Variants in PDSS1 observed in about 807,000 individuals in gnomAD.
PDSS1 encodes all trans-polyprenyl-diphosphate synthase PDSS1.
In PDSS1, 43 loss-of-function variants were observed where a neutral mutation model predicts 57.5. That is an observed-to-expected ratio of 0.75 (90% CI 0.59 to 0.96). The LOEUF is 0.96. Ranked by LOEUF, PDSS1 falls within the 50% of genes least tolerant of loss-of-function variation. The probability of loss-of-function intolerance (pLI) is 0.00; values close to 1 mark genes in which losing one functional copy is unlikely to be tolerated. For synonymous variants in PDSS1, 175 were observed against 191.3 expected (o/e 0.91, Z 0.70); for missense variants, 438 against 527.8 (o/e 0.83, Z 1.67).
In PDSS1 at chr10:26,711,731, C is replaced by T. The variant is rs190543162; in HGVS notation, c.467+1963C>T. Among the ~76,000 whole-genome samples the T allele has an allele frequency of 2.1e-5, 2 of 95,580 alleles. 1 individual carries two copies. Among genetic ancestry groups the T allele is most frequent in the Admixed American group, 2.7e-4 (2 of 7,520 alleles). The allele number at this position is 95,580 out of a possible 152,430, so 62.7% of individuals were successfully genotyped here. On this transcript the variant is annotated intron_variant, in intron 5 of 11. Transcript: ENST00000376215. The stretch of plus-strand genomic sequence containing the variant: ...CATTACAGGATGTTTAGCAGCATCG[C>T]TGACTCTACCTACTAGATGCCCCCG...
chr10:26,734,746 A>G (rs894564313), intron 8 of PDSS1: 1 of 456,408 alleles, frequency 2.2e-6, no homozygotes, highest in Non-Finnish European at 4.4e-6. Context: ...ACGATGATGA[A>G]AAGAAAGGAC....
chr10:26,708,884 G>A (rs1274765323), intron 4 of PDSS1, among the ~76,000 whole-genome samples: 3 of 151,882 alleles, frequency 2.0e-5, no homozygotes, highest in Admixed American at 6.6e-5. Flanking sequence ...CACCCCACCC[G>A]CCTGACCTGC....
intron 4 of PDSS1, among the ~76,000 whole-genome samples, chr10:26,706,131 CCGTGGCT>C: frequency 6.6e-6 from 1 of 152,330 alleles, no homozygotes; most frequent in East Asian, 1.9e-4. Flanking sequence ...TGGTTGGGCA[CCGTGGCT>C]CGTGCCTGTA....
At chr10:26,725,243 A>G (rs1835912755) in intron 8 of PDSS1, among the ~76,000 whole-genome samples, 1 of 152,228 alleles carries the variant, frequency 6.6e-6, no homozygotes, top group Non-Finnish European at 1.5e-5. Flanking sequence ...TGCTGTCATG[A>G]TAGACTCCTA....
chr10:26,732,552 G>A (rs1374106204), intron 8 of PDSS1, among the ~76,000 whole-genome samples: 1 of 152,176 alleles, frequency 6.6e-6, no homozygotes, highest in Non-Finnish European at 1.5e-5. Context: ...AGTGTCTGGA[G>A]CCAGACCATG....
intron 8 of PDSS1, among the ~76,000 whole-genome samples, chr10:26,734,262 G>C (rs570422612): frequency 1.3e-5 from 2 of 152,256 alleles, no homozygotes; most frequent in African/African-American, 2.4e-5. Context: ...AGGCACGACC[G>C]AAGGTCAGGG....
At chr10:26,729,700 T>G (rs1192263501) in intron 8 of PDSS1, among the ~76,000 whole-genome samples, 1 of 152,214 alleles carries the variant, frequency 6.6e-6, no homozygotes, top group Non-Finnish European at 1.5e-5. Flanking sequence ...ATCAAAGCAC[T>G]GTTCAAAAGT....
chr10:26,704,227 G>A (rs1748353), intron 2 of PDSS1, among the ~76,000 whole-genome samples: 79,285 of 151,792 alleles, frequency 0.52, 21,765 homozygotes, highest in Middle Eastern at 0.63. Context: ...ACCCTGGTTT[G>A]TGTGCTTTCA....
chr10:26,741,061 G>A (rs996616662), intron 10 of PDSS1, among the ~76,000 whole-genome samples: 2 of 150,260 alleles, frequency 1.3e-5, no homozygotes, highest in African/African-American at 2.5e-5. Flanking sequence ...TTAATTCCAT[G>A]GTTCTCAACC....
At chr10:26,708,601 G>A (rs1310249269) in intron 4 of PDSS1, among the ~76,000 whole-genome samples, 2 of 152,018 alleles carry the variant, frequency 1.3e-5, no homozygotes, top group African/African-American at 2.4e-5. Context: ...GCCTTATATG[G>A]GCTCTATGCG....
chr10:26,707,923 T>C (rs1010466053), intron 4 of PDSS1, among the ~76,000 whole-genome samples: 14 of 152,202 alleles, frequency 9.2e-5, no homozygotes, highest in African/African-American at 3.4e-4. Flanking sequence ...CTCCTTCCCC[T>C]CTATGTCCTT....
At chr10:26,698,455 A>T (rs1285309729) in intron 1 of PDSS1, among the ~76,000 whole-genome samples, 1 of 152,098 alleles carries the variant, frequency 6.6e-6, no homozygotes, top group Non-Finnish European at 1.5e-5. Context: ...GAGGAGAGAA[A>T]CCCTGGAGTC....
chr10:26,720,028 G>C, intron 5 of PDSS1, 190 bp from the exon 6 acceptor site: 1 of 721,786 alleles, frequency 1.4e-6, no homozygotes, highest in Non-Finnish European at 2.2e-6. Context: ...ATAAAATGTA[G>C]TTGTGGCAGG....
chr10:26,745,486 T>C (rs935467962), intron 11 of PDSS1, among the ~76,000 whole-genome samples: 2 of 152,104 alleles, frequency 1.3e-5, no homozygotes, highest in Non-Finnish European at 2.9e-5. Context: ...AGGCGGCACA[T>C]TGTGGGTGGG....
intron 3 of PDSS1, 28 bp downstream of exon 3, chr10:26,704,769 CTAAAATTATCCATTTT>C: frequency 9.0e-7 from 1 of 1,115,658 alleles, no homozygotes; most frequent in African/African-American, 1.5e-5. Context: ...ACTGCAACTA[CTAAAATTATCCATTTT>C]TAAATTTATT....
intron 10 of PDSS1, among the ~76,000 whole-genome samples, chr10:26,736,050 T>A (rs1309231322): frequency 6.6e-6 from 1 of 152,136 alleles, no homozygotes; most frequent in Non-Finnish European, 1.5e-5. Context: ...TTAATGAGAC[T>A]CTGCTGCTCT....
chr10:26,736,965 T>C (rs369569445), intron 10 of PDSS1, among the ~76,000 whole-genome samples: 1 of 152,062 alleles, frequency 6.6e-6, no homozygotes, highest in African/African-American at 2.4e-5. Context: ...ATTAGAAAAA[T>C]GAGGCACTGG....
At chr10:26,703,365 G>A (rs992675421) in intron 2 of PDSS1, among the ~76,000 whole-genome samples, 4 of 152,118 alleles carry the variant, frequency 2.6e-5, no homozygotes, top group Admixed American at 6.5e-5. Context: ...TAGTTATTTG[G>A]TCAAGCGCAG....
chr10:26,720,163 T>G (rs1835736858), intron 5 of PDSS1, 55 bp from the exon 6 acceptor site: 1 of 1,610,602 alleles, frequency 6.2e-7, no homozygotes, highest in Non-Finnish European at 8.5e-7. Context: ...ACAAGCTGAT[T>G]GCTGAGAAGG....
Sources: gnomAD v4.1 joint callset for allele counts (sites outside exome capture counted in the v4.1 genomes callset) on GRCh38, gnomAD v4.1.1 for gene constraint, MANE v1.5 for transcripts, NCBI Gene and HGNC (gene_info 2026-07-23, HGNC 2026-07-21) for gene names.